Variants in PCID2 observed in about 807,000 individuals in gnomAD.
The protein encoded by PCID2 is PCI domain containing 2.
A neutral mutation model predicts 61.3 loss-of-function variants in PCID2; 41 were observed. That is an observed-to-expected ratio of 0.67 (90% CI 0.52 to 0.87). The LOEUF (loss-of-function observed/expected upper bound fraction) is 0.87, where lower values mean the gene tolerates loss of function less well. Among genes scored for constraint, PCID2 ranks in the 40% least tolerant of loss-of-function variants. The probability of loss-of-function intolerance (pLI) is 0.00; values close to 1 mark genes in which losing one functional copy is unlikely to be tolerated. For missense variants in PCID2, 392 were observed against 493.4 expected (o/e 0.79, Z 1.95); for synonymous variants, 187 against 177.8 (o/e 1.05, Z -0.41).
At position 113,187,394 on chromosome 13, in the gene PCID2, C is replaced by G. The variant is rs1343883318; in HGVS notation, c.468-1834G>C. The stretch of plus-strand genomic sequence containing the variant: ...TCTACGTCCCACTTTCAGGAACTGC[C>G]TTCCCATTTCCGCACAGCAGCTGCA... On this transcript the variant is annotated intron_variant, in intron 7 of 13. Transcript: ENST00000337344. The G allele has an allele frequency of 2.0e-5, 3 of 152,352 alleles. 1 individual carries two copies. Among genetic ancestry groups the G allele is most frequent in the African/African-American group, 2.4e-5 (1 of 41,568 alleles). The allele number at this position is 152,352 out of a possible 1,614,324, so 9.4% of individuals were successfully genotyped here. A position where few individuals can be genotyped will look rare whatever the true frequency, so the allele number is the denominator to read the frequency against.
the PCID2 span, among the ~76,000 whole-genome samples, chr13:113,168,417 G>A: frequency 6.6e-6 from 1 of 152,222 alleles, no homozygotes; most frequent in Non-Finnish European, 1.5e-5. Context: ...GAAAGGCATT[G>A]CGTCTGGCGC....
chr13:113,175,489 C>CA (rs1411757722), downstream of PCID2, among the ~76,000 whole-genome samples: 1 of 152,186 alleles, frequency 6.6e-6, no homozygotes, highest in Non-Finnish European at 1.5e-5. Context: ...GAAGGATGTT[C>CA]AAGGCCCATG....
intron 7 of PCID2, chr13:113,190,667 C>T: frequency 2.4e-6 from 1 of 412,154 alleles, no homozygotes. Flanking sequence ...CAAATGTGGG[C>T]AAATGAAGAC....
intron 8 of PCID2, 57 bp from the exon 9 acceptor site, chr13:113,184,544 A>C: frequency 4.2e-6 from 4 of 956,162 alleles, no homozygotes; most frequent in Non-Finnish European, 6.7e-6. Flanking sequence ...CAGGTGGCAA[A>C]ACAAATTACT....
rs746816072 is a variant in PCID2, at chr13:113,179,039, G to A, written c.1037C>T (p.Ala346Val). 4 of 1,613,846 alleles carry A rather than the reference G, an allele frequency of 2.5e-6. No individual in the cohort carries two copies. Among genetic ancestry groups the A allele is most frequent in the Admixed American group, 1.7e-5 (1 of 59,986 alleles). ...HQLSLDAFLV[A>V]LKFMQVEDVD... ...GTCCTCCACCTGCATGAACTTCAAG[G>A]CAACCAGAAAAGCATCCAGAGACAG... The change falls in exon 13 of 14, where the codon GCC becomes GTC. Residue 346 changes from alanine to valine, a missense_variant. By Grantham distance (64) the Ala-to-Val change is moderately conservative (BLOSUM62 0). This residue lies in a region of PCID2 where 226 missense variants were observed against 296.5 expected (regional missense o/e 0.76). Coordinates refer to ENST00000337344, the MANE Select transcript of PCID2 (RefSeq NM_001127202.4). The surrounding 1 kb of genome is among the most constrained non-coding windows in gnomAD (Gnocchi z 4.3).
intron 4 of PCID2, 127 bp from the exon 5 acceptor site, chr13:113,196,349 G>T: frequency 3.0e-6 from 2 of 663,206 alleles, no homozygotes; most frequent in South Asian, 2.5e-5. Flanking sequence ...TGCAACAATA[G>T]TAAGTTCTTG....
At chr13:113,208,158 G>C in intron 1 of PCID2, 4 of 1,596,538 alleles carry the variant, frequency 2.5e-6, no homozygotes, top group African/African-American at 1.3e-5. Flanking sequence ...CCACAGCCTC[G>C]CGCTTACTCC....
chr13:113,173,084 C>CAG (rs1176356118), downstream of PCID2, among the ~76,000 whole-genome samples: 1 of 152,182 alleles, frequency 6.6e-6, no homozygotes, highest in Non-Finnish European at 1.5e-5. Context: ...ACCCTGGAGA[C>CAG]AGAGAGCCCT....
At chr13:113,201,532 C>A (rs1429055357) in intron 1 of PCID2, among the ~76,000 whole-genome samples, 1 of 152,018 alleles carries the variant, frequency 6.6e-6, no homozygotes, top group East Asian at 1.9e-4. Flanking sequence ...AAAAAAATTG[C>A]CGGTCACGGT....
At chr13:113,184,200 G>T in intron 9 of PCID2, 146 bp downstream of exon 9, 1 of 885,270 alleles carries the variant, frequency 1.1e-6, no homozygotes, top group Non-Finnish European at 1.7e-6. Flanking sequence ...CCTTTAATCA[G>T]CTTTAGTGTC....
chr13:113,198,952 C>T (rs1462618960), intron 2 of PCID2, among the ~76,000 whole-genome samples: 1 of 152,192 alleles, frequency 6.6e-6, no homozygotes, highest in Non-Finnish European at 1.5e-5. Context: ...TGTTAGGACT[C>T]GTTCTTCTCG....
intron 1 of PCID2, among the ~76,000 whole-genome samples, chr13:113,201,258 G>A (rs2039406628): frequency 6.6e-6 from 1 of 151,990 alleles, no homozygotes; most frequent in African/African-American, 2.4e-5. Context: ...ATGAGAAAAT[G>A]TCCACAATAT....
In PCID2 at chr13:113,197,287, G is replaced by A. The variant is rs779422069; in HGVS notation, c.201-44C>T. 9.3e-6 allele frequency: 13 copies of A among 1,392,792 alleles called. No individual in the cohort carries two copies. The South Asian group carries it at 1.4e-4, about 15-fold the overall frequency. The allele number at this position is 1,392,792 out of a possible 1,614,324, so 86.3% of individuals were successfully genotyped here. A position where few individuals can be genotyped will look rare whatever the true frequency, so the allele number is the denominator to read the frequency against. ...CATGCTGTCACACAATAAAAACCTAGCACTAGTTATGCAGCCCACACAGCT... is the reference window on the plus strand; with the variant it reads ...CATGCTGTCACACAATAAAAACCTAACACTAGTTATGCAGCCCACACAGCT... On this transcript the variant is annotated intron_variant, in intron 3 of 13. Transcript: ENST00000337344.
intron 1 of PCID2, chr13:113,208,387 C>T: frequency 1.4e-6 from 2 of 1,439,910 alleles, no homozygotes; most frequent in Non-Finnish European, 1.8e-6. Flanking sequence ...CACCGCCCGG[C>T]CCCCACGGCG....
intron 6 of PCID2, among the ~76,000 whole-genome samples, chr13:113,191,876 G>A (rs564043841): frequency 6.6e-6 from 1 of 151,996 alleles, no homozygotes; most frequent in Non-Finnish European, 1.5e-5. Flanking sequence ...ACCAAACTAC[G>A]CAAGTAATCA....
chr13:113,196,579 T>C (rs981496313), intron 4 of PCID2, among the ~76,000 whole-genome samples: 10 of 152,230 alleles, frequency 6.6e-5, no homozygotes, highest in Admixed American at 5.2e-4. Context: ...GCTGATTTTA[T>C]CAACTCTAGA....
At chr13:113,204,068 C>T (rs947873966) in intron 1 of PCID2, among the ~76,000 whole-genome samples, 2 of 152,260 alleles carry the variant, frequency 1.3e-5, no homozygotes, top group East Asian at 3.9e-4. Flanking sequence ...TTTGGTTCCA[C>T]ACAAACAGGA....
Position 113,184,441 on chromosome 13 carries a change from C to G in PCID2, c.590G>C (p.Ser197Thr). 1 of 1,594,912 alleles carries G rather than the reference C, an allele frequency of 6.3e-7. No homozygotes were observed. The highest frequency in any genetic ancestry group is 8.6e-7 in the Non-Finnish European group (1 of 1,162,370). ...LCKPLIRAID[S>T]SNLKDDYSTA... ...GCTGTAATCGTCTTTCAGGTTTGAG[C>G]TGTCAATTGCTCTAATTAGGGGTTT... Residue 197 changes from serine to threonine, a missense_variant, in exon 9 of 14, where the codon AGC becomes ACC. By Grantham distance (58) the Ser-to-Thr change is moderately conservative. This residue lies in a region of PCID2 where 226 missense variants were observed against 296.5 expected (regional missense o/e 0.76). Transcript: ENST00000337344.
At chr13:113,195,666 C>CAA (rs772171826) in intron 5 of PCID2, among the ~76,000 whole-genome samples, 9 of 131,846 alleles carry the variant, frequency 6.8e-5, no homozygotes, top group African/African-American at 2.2e-4. Context: ...GACTCCTTCT[C>CAA]AAAAAAAAAA....
Sources: allele counts gnomAD v4.1 joint callset (sites outside exome capture counted in the v4.1 genomes callset), GRCh38; gene constraint gnomAD v4.1.1; regional missense constraint gnomAD v4.1.1; non-coding constraint Gnocchi (gnomAD v3.1); transcripts MANE v1.5; gene names NCBI Gene and HGNC (gene_info 2026-07-23, HGNC 2026-07-21).